Variants in NTNG1 observed in about 807,000 individuals in gnomAD.
NTNG1 encodes the protein netrin G1, also known as netrin-G1.
A neutral mutation model predicts 54.0 loss-of-function variants in NTNG1; 16 were observed. The observed-to-expected ratio is 0.30, with a 90% CI of 0.20 to 0.45. The LOEUF (loss-of-function observed/expected upper bound fraction) is 0.45. NTNG1 is among the 20% of genes least tolerant of loss of function. The pLI is 1.00. For synonymous variants in NTNG1, 255 were observed against 263.1 expected (o/e 0.97, Z 0.30); for missense variants, 530 against 678.7 (o/e 0.78, Z 2.43).
chr1:107,361,391 A>ATAT (rs370815306), intron 3 of NTNG1, among the ~76,000 whole-genome samples: 4,882 of 87,884 alleles, frequency 0.056, 212 homozygotes, highest in South Asian at 0.1. Flanking sequence ...ATATATATAT[A>ATAT]TTTTTTTTTT....
At chr1:107,390,464 A>G (rs1672292483) in intron 3 of NTNG1, among the ~76,000 whole-genome samples, 2 of 152,170 alleles carry the variant, frequency 1.3e-5, no homozygotes, top group Non-Finnish European at 1.5e-5. Context: ...GGTTTCAGTC[A>G]TCTGATGAAT....
intron 2 of NTNG1, among the ~76,000 whole-genome samples, chr1:107,190,583 C>G (rs939243179): frequency 1.3e-5 from 2 of 152,088 alleles, no homozygotes; most frequent in African/African-American, 2.4e-5. Context: ...CCACTCCCCC[C>G]ACCCCATAAC....
intron 3 of NTNG1, among the ~76,000 whole-genome samples, chr1:107,393,990 G>C (rs1672521692): frequency 6.6e-6 from 1 of 151,642 alleles, no homozygotes; most frequent in African/African-American, 2.4e-5. Context: ...TTTTGTCCTA[G>C]TTCCTGGAAG....
chr1:107,391,647 C>A (rs946235358), intron 3 of NTNG1, among the ~76,000 whole-genome samples: 7 of 152,150 alleles, frequency 4.6e-5, no homozygotes, highest in African/African-American at 1.7e-4. Flanking sequence ...AGCTTCCACT[C>A]ATGGTGGAAG....
chr1:107,309,889 C>T (rs1383546590), intron 2 of NTNG1, among the ~76,000 whole-genome samples: 1 of 152,144 alleles, frequency 6.6e-6, no homozygotes, highest in African/African-American at 2.4e-5. Flanking sequence ...CCTGGCCTCC[C>T]AAATATTAGG....
intron 2 of NTNG1, among the ~76,000 whole-genome samples, chr1:107,254,028 AGATT>A (rs1318143970): frequency 6.6e-6 from 1 of 152,226 alleles, no homozygotes; most frequent in Non-Finnish European, 1.5e-5. Flanking sequence ...GCTGCTTAGA[AGATT>A]GATTGCTTCT....
At chr1:107,458,747 T>C (rs1432230294) in intron 7 of NTNG1, among the ~76,000 whole-genome samples, 1 of 152,198 alleles carries the variant, frequency 6.6e-6, no homozygotes, top group Non-Finnish European at 1.5e-5. Flanking sequence ...CCATAATTAC[T>C]GCTTTCCATA....
At chr1:107,330,644 G>A (rs527843941) in intron 3 of NTNG1, among the ~76,000 whole-genome samples, 34 of 152,204 alleles carry the variant, frequency 2.2e-4, no homozygotes, top group Admixed American at 6.5e-4. Context: ...TTATTTTGTT[G>A]TGCCATTTCA....
chr1:107,461,309 CA>C (rs1292840933), intron 7 of NTNG1, among the ~76,000 whole-genome samples: 2 of 152,146 alleles, frequency 1.3e-5, no homozygotes, highest in Non-Finnish European at 2.9e-5. Flanking sequence ...AAGGAGACCC[CA>C]CCATGGAAAG....
intron 2 of NTNG1, among the ~76,000 whole-genome samples, chr1:107,151,555 C>T (rs1570713312): frequency 6.6e-6 from 1 of 152,194 alleles, no homozygotes; most frequent in Non-Finnish European, 1.5e-5. Context: ...TCAGTAATCA[C>T]TTGTTCAGCT....
chr1:107,212,074 A>G (rs1659632120), intron 2 of NTNG1, among the ~76,000 whole-genome samples: 2 of 152,150 alleles, frequency 1.3e-5, no homozygotes, highest in South Asian at 4.1e-4. Context: ...CTAAGGAGAA[A>G]ATCAGAACTA....
At chr1:107,222,392 T>G (rs868269297) in intron 2 of NTNG1, among the ~76,000 whole-genome samples, 157 of 152,286 alleles carry the variant, frequency 1.0e-3, no homozygotes, top group Middle Eastern at 3.4e-3. Flanking sequence ...ATGAGTTACT[T>G]GATGTAGCTA....
intron 4 of NTNG1, among the ~76,000 whole-genome samples, chr1:107,398,714 T>C (rs185768882): frequency 6.6e-6 from 1 of 152,288 alleles, no homozygotes; most frequent in East Asian, 1.9e-4. Flanking sequence ...CAAAATCTTT[T>C]CTTTCTTTTT....
At chr1:107,188,163 G>A (rs938671159) in intron 2 of NTNG1, among the ~76,000 whole-genome samples, 10 of 151,854 alleles carry the variant, frequency 6.6e-5, no homozygotes, top group African/African-American at 2.4e-4. Context: ...TAAATCAACA[G>A]TTCCGTAGTC....
intron 7 of NTNG1, among the ~76,000 whole-genome samples, chr1:107,460,595 A>T (rs1215700514): frequency 1.3e-5 from 2 of 152,256 alleles, no homozygotes; most frequent in Non-Finnish European, 2.9e-5. Flanking sequence ...GTGAAATAAT[A>T]GCTGTAATTA....
chr1:107,288,418 G>A (rs904110556), intron 2 of NTNG1, among the ~76,000 whole-genome samples: 3 of 152,118 alleles, frequency 2.0e-5, no homozygotes, highest in African/African-American at 7.2e-5. Flanking sequence ...TTGCATTGAA[G>A]TACAAACGGA....
At chr1:107,443,787 G>A (rs590987) in intron 7 of NTNG1, among the ~76,000 whole-genome samples, 61,326 of 151,936 alleles carry the variant, frequency 0.4, 12,577 homozygotes, top group East Asian at 0.49. Flanking sequence ...AAAATGAATG[G>A]CATCACTGAA....
At chr1:107,393,390 C>A (rs1206628759) in intron 3 of NTNG1, among the ~76,000 whole-genome samples, 1 of 152,050 alleles carries the variant, frequency 6.6e-6, no homozygotes, top group Non-Finnish European at 1.5e-5. Context: ...AATAAGCAAC[C>A]TAGCACAAGT....
At chr1:107,194,940 C>A (rs1658211526) in intron 2 of NTNG1, among the ~76,000 whole-genome samples, 1 of 151,866 alleles carries the variant, frequency 6.6e-6, no homozygotes, top group Non-Finnish European at 1.5e-5. Flanking sequence ...AAAAAAAAGG[C>A]CTTCCAAGTT....
Sources: allele counts gnomAD v4.1 joint callset (sites outside exome capture counted in the v4.1 genomes callset), GRCh38; gene constraint gnomAD v4.1.1; transcripts MANE v1.5; gene names NCBI Gene and HGNC (gene_info 2026-07-23, HGNC 2026-07-21).